ZBTB38: variants seen among roughly 807,000 people sequenced by gnomAD.
ZBTB38 encodes zinc finger and BTB domain containing 38.
ZBTB38 carries 20 observed loss-of-function variants against 76.8 expected under a neutral mutation model. The ratio of observed to expected loss-of-function variants is 0.26; its 90% CI spans 0.18 to 0.38. The LOEUF (loss-of-function observed/expected upper bound fraction) is 0.38. Ranked by LOEUF, ZBTB38 falls within the 10% of genes least tolerant of loss-of-function variation. The pLI, the probability that ZBTB38 is intolerant of heterozygous loss-of-function variation, is 1.00. For synonymous variants in ZBTB38, 504 were observed against 544.2 expected, an observed-to-expected ratio of 0.93 and a Z score of 1.03; for missense variants, 1,082 against 1,482.3, an observed-to-expected ratio of 0.73 and a Z score of 4.43.
chr3:141,444,464 T>C lies in ZBTB38; in HGVS notation c.2076T>C (p.Pro692=), dbSNP rs567218459. The C allele has an allele frequency of 1.9e-6, 3 of 1,614,160 alleles. No individual in the cohort carries two copies. Among genetic ancestry groups the C allele is most frequent in the Admixed American group, 3.3e-5 (2 of 60,028 alleles). ...CTGACCTCCGGGCAGGGGATGTACCTGTTTTATCTTTGAGTAATAGCAGTG... is the reference window on the plus strand; with the variant it reads ...CTGACCTCCGGGCAGGGGATGTACCCGTTTTATCTTTGAGTAATAGCAGTG... ...VSSDLRAGDV[P]VLSLSNSSEN... is the part of the protein sequence containing the mutation. The change falls in exon 6 of 6, where the codon CCT becomes CCC. Residue 692 remains proline (P), a synonymous_variant. Transcript: ENST00000321464. The surrounding 1 kb of genome is among the most constrained non-coding windows in gnomAD (Gnocchi z 5.1).
intron 2 of ZBTB38, among the ~76,000 whole-genome samples, chr3:141,372,635 A>G (rs910647355): frequency 6.6e-6 from 1 of 151,680 alleles, no homozygotes; most frequent in Admixed American, 6.6e-5. Context: ...CTGGGCAACA[A>G]GAGAGAAACT....
At chr3:141,388,062 G>C (rs1194641562) in intron 4 of ZBTB38, 2 of 151,986 alleles carry the variant, frequency 1.3e-5, no homozygotes, top group Non-Finnish European at 2.9e-5. Flanking sequence ...TAAATGTATA[G>C]CTTTTACAAA....
At chr3:141,398,028 C>T (rs12054156) in intron 4 of ZBTB38, among the ~76,000 whole-genome samples, 4,122 of 152,228 alleles carry the variant, frequency 0.027, 127 homozygotes, top group East Asian at 0.091. Flanking sequence ...TCTACAAACC[C>T]GATAAAGTGG....
rs1399994772 is a variant in ZBTB38 at position 141,443,316 on chromosome 3, C to G, written c.928C>G (p.Pro310Ala). 4 of 1,614,060 alleles carry G rather than the reference C, an allele frequency of 2.5e-6. No homozygotes were observed. The East Asian group carries it at 8.9e-5, about 36-fold the overall frequency. Residue 310 changes from proline (P) to alanine (A), a missense_variant, in exon 6 of 6, where the codon CCA (proline) becomes GCA (alanine). By Grantham distance (27) the Pro-to-Ala change is conservative (BLOSUM62 -1). This residue lies in a region of ZBTB38 where 324 missense variants were observed against 359.1 expected (regional missense o/e 0.90). Coordinates refer to ENST00000321464, the MANE Select transcript of ZBTB38 (RefSeq NM_001376113.1). The surrounding 1 kb of genome is among the most constrained non-coding windows in gnomAD (Gnocchi z 5.6). ...TGCTGTTCTCACTCGTTCAAAATCTCCAAACAATGAAGGAGATGTCCATTT... is the reference window on the plus strand; with the variant it reads ...TGCTGTTCTCACTCGTTCAAAATCTGCAAACAATGAAGGAGATGTCCATTT... ...PAAVLTRSKS[P>A]NNEGDVHFSR...
chr3:141,426,212 T>A, intron 5 of ZBTB38: 1 of 1,288,862 alleles, frequency 7.8e-7, no homozygotes, highest in Non-Finnish European at 1.0e-6. Context: ...GGCCAGGTCG[T>A]GCGGACTATA....
chr3:141,382,939 G>A (rs80060248), intron 3 of ZBTB38, among the ~76,000 whole-genome samples: 1 of 152,208 alleles, frequency 6.6e-6, no homozygotes, highest in Non-Finnish European at 1.5e-5. Flanking sequence ...GAAAGACGTA[G>A]ACTTTGCAAT....
intron 4 of ZBTB38, among the ~76,000 whole-genome samples, chr3:141,402,094 T>C (rs1028141289): frequency 6.6e-6 from 1 of 152,212 alleles, no homozygotes; most frequent in Non-Finnish European, 1.5e-5. Flanking sequence ...TTCTGAATTG[T>C]GTCCTCCCTG....
Sources: gnomAD v4.1 joint callset for allele counts (sites outside exome capture counted in the v4.1 genomes callset) on GRCh38, gnomAD v4.1.1 for gene constraint, gnomAD v4.1.1 regional missense constraint, Gnocchi (gnomAD v3.1) non-coding constraint, MANE v1.5 for transcripts, NCBI Gene and HGNC (gene_info 2026-07-23, HGNC 2026-07-21) for gene names.